GLG1: variants seen among roughly 807,000 people sequenced by gnomAD.
GLG1 encodes Golgi apparatus protein 1.
GLG1 carries 38 observed loss-of-function variants against 160.5 expected under a neutral mutation model. The ratio of observed to expected loss-of-function variants is 0.24; its 90% CI spans 0.18 to 0.31. The LOEUF is 0.31. GLG1 is among the 10% of genes least tolerant of loss of function. The probability of loss-of-function intolerance (pLI) is 1.00; values close to 1 mark genes in which losing one functional copy is unlikely to be tolerated. For synonymous variants in GLG1, 644 were observed against 543.4 expected (o/e 1.19, Z -2.57); for missense variants, 1,373 against 1,505.2 (o/e 0.91, Z 1.45).
At chr16:74,513,835 A>G (rs1477118257) in intron 2 of GLG1, among the ~76,000 whole-genome samples, 2 of 152,140 alleles carry the variant, frequency 1.3e-5, no homozygotes, top group Non-Finnish European at 2.9e-5. Flanking sequence ...GTAATAACAA[A>G]CTTCTCTGAG....
chr16:74,595,435 G>T (rs1033759219), intron 1 of GLG1, among the ~76,000 whole-genome samples: 3 of 151,882 alleles, frequency 2.0e-5, no homozygotes, highest in African/African-American at 7.3e-5. Flanking sequence ...TACTCTGGAG[G>T]CTGAGGCAGG....
intron 25 of GLG1, among the ~76,000 whole-genome samples, chr16:74,454,913 G>A (rs184152042): frequency 2.0e-5 from 3 of 151,600 alleles, no homozygotes; most frequent in East Asian, 3.9e-4. Flanking sequence ...GACCAGCCTG[G>A]ACAACATAGC....
rs556923016 is a variant in GLG1 at position 74,456,089 on chromosome 16, T to C, written c.3372+560A>G. Among the ~76,000 whole-genome samples, 12 of 152,292 alleles carry C rather than the reference T, an allele frequency of 7.9e-5. No homozygotes were observed. The South Asian group carries it at 2.5e-3, about 32-fold the overall frequency. ...GATGAGTACTGGCCTCAAATATGTATTTTTCTCCTAAAGACTGTAAAATGA... is the reference window on the plus strand; with the variant it reads ...GATGAGTACTGGCCTCAAATATGTACTTTTCTCCTAAAGACTGTAAAATGA... On this transcript the variant is annotated intron_variant, in intron 25 of 25. Transcript: ENST00000422840.
chr16:74,603,772 C>A (rs1033859712), intron 1 of GLG1, among the ~76,000 whole-genome samples: 1 of 152,148 alleles, frequency 6.6e-6, no homozygotes, highest in Non-Finnish European at 1.5e-5. Flanking sequence ...GGTATTATTA[C>A]TCCACCTACT....
intron 1 of GLG1, among the ~76,000 whole-genome samples, chr16:74,588,101 G>A (rs1435071938): frequency 6.6e-6 from 1 of 151,806 alleles, no homozygotes; most frequent in Non-Finnish European, 1.5e-5. Flanking sequence ...AAAACAGGGG[G>A]AGCGTTGGTG....
At chr16:74,604,726 A>T (rs1231354959) in intron 1 of GLG1, among the ~76,000 whole-genome samples, 2 of 152,190 alleles carry the variant, frequency 1.3e-5, no homozygotes, top group Non-Finnish European at 2.9e-5. Context: ...CAGACTAAGC[A>T]GAATGAAATT....
chr16:74,581,862 A>G (rs1325793709), intron 1 of GLG1, among the ~76,000 whole-genome samples: 1 of 152,184 alleles, frequency 6.6e-6, no homozygotes, highest in African/African-American at 2.4e-5. Flanking sequence ...CAGTGAGTCG[A>G]GATAGCGTTA....
rs2014718346 is a variant in GLG1, at chr16:74,459,930, A to C, written c.3037-141T>G. 3.2e-5 allele frequency: 16 copies of C among 500,200 alleles called. No individual in the cohort carries two copies. In the South Asian group the frequency reaches 4.6e-4, roughly 14 times the overall value. 31.0% of individuals were successfully genotyped at this position (500,200 alleles called of 1,614,324 possible). ...CAGTGCAGTGGTGCGATCTCGGCTC[A>C]CTGCAACCTCTGCCTCCTAGGTTCA... On this transcript the variant is annotated intron_variant, in intron 22 of 25. Transcript: ENST00000422840.
At chr16:74,587,231 G>A (rs6564145) in intron 1 of GLG1, among the ~76,000 whole-genome samples, 107,999 of 152,080 alleles carry the variant, frequency 0.71, 38,992 homozygotes, top group African/African-American at 0.83. Flanking sequence ...CAGGTGAGCC[G>A]ATGATTACCT....
At chr16:74,585,083 T>C (rs1277934320) in intron 1 of GLG1, among the ~76,000 whole-genome samples, 1 of 152,072 alleles carries the variant, frequency 6.6e-6, no homozygotes, top group Non-Finnish European at 1.5e-5. Context: ...TTTAAAACCC[T>C]ATCTTTAAAT....
rs1448131991 is a variant in GLG1, at chr16:74,447,618, T to A, written c.*5549A>T. On this transcript the variant is annotated 3_prime_UTR_variant, in exon 26 of 26. Transcript: ENST00000422840. ...CCATTTACAAAAGAGGCTTGTTAAT[T>A]GTATTTTTTTCTTTCTTTCAAAAAC... The A allele has an allele frequency of 6.6e-6, 1 of 152,258 alleles. No individual in the cohort carries two copies. Among genetic ancestry groups the A allele is most frequent in the African/African-American group, 2.4e-5 (1 of 41,470 alleles). The allele number at this position is 152,258 out of a possible 1,614,324, so 9.4% of individuals were successfully genotyped here.
At position 74,562,862 on chromosome 16, in the gene GLG1, G is replaced by A. The variant is rs1284510918; in HGVS notation, c.439-30709C>T. ...GGAGGTTGGTTCTTCTGGAAATGAC[G>A]TCAGGAAAACACTGCCCTTGTTACC... is the stretch of plus-strand genomic sequence containing the variant. On this transcript the variant is annotated intron_variant, in intron 1 of 25. Transcript: ENST00000422840. Among the ~76,000 whole-genome samples the A allele has an allele frequency of 3.9e-5, 6 of 152,248 alleles. No homozygotes were observed. In the East Asian group the frequency reaches 5.8e-4, roughly 15 times the overall value.
chr16:74,569,523 T>C (rs1308525667), intron 1 of GLG1, among the ~76,000 whole-genome samples: 1 of 152,162 alleles, frequency 6.6e-6, no homozygotes, highest in Non-Finnish European at 1.5e-5. Flanking sequence ...TAACAGAGTC[T>C]AGCTTATCAT....
intron 22 of GLG1, among the ~76,000 whole-genome samples, chr16:74,460,954 A>T (rs551487504): frequency 6.6e-6 from 1 of 152,356 alleles, no homozygotes; most frequent in South Asian, 2.1e-4. Context: ...ACACACACGC[A>T]CACATACACA....
chr16:74,557,655 A>G (rs1321330920), intron 1 of GLG1, among the ~76,000 whole-genome samples: 1 of 152,198 alleles, frequency 6.6e-6, no homozygotes, highest in African/African-American at 2.4e-5. Context: ...GCTAAAGAAC[A>G]TGGTCAGAAG....
At chr16:74,582,800 A>T (rs574347746) in intron 1 of GLG1, among the ~76,000 whole-genome samples, 13 of 152,046 alleles carry the variant, frequency 8.6e-5, no homozygotes, top group African/African-American at 2.9e-4. Flanking sequence ...AGCCTGGGTG[A>T]CAAGAGTGAG....
intron 1 of GLG1, among the ~76,000 whole-genome samples, chr16:74,584,297 T>C (rs1311314332): frequency 2.0e-5 from 3 of 152,212 alleles, no homozygotes; most frequent in Non-Finnish European, 4.4e-5. Flanking sequence ...AAACATTGAC[T>C]GTTTTCTTTG....
At chr16:74,590,617 T>C (rs1958154426) in intron 1 of GLG1, among the ~76,000 whole-genome samples, 3 of 82,374 alleles carry the variant, frequency 3.6e-5, no homozygotes, top group Non-Finnish European at 4.4e-5. Flanking sequence ...TGAGACTCCG[T>C]CTCCAAAAAA....
intron 2 of GLG1, among the ~76,000 whole-genome samples, chr16:74,520,830 T>A (rs1391695108): frequency 1.3e-5 from 2 of 152,198 alleles, no homozygotes; most frequent in Non-Finnish European, 2.9e-5. Context: ...TTGACCTGGG[T>A]TTTTCTTCTC....
Sources: gnomAD v4.1 joint callset for allele counts (sites outside exome capture counted in the v4.1 genomes callset) on GRCh38, gnomAD v4.1.1 for gene constraint, MANE v1.5 for transcripts, NCBI Gene and HGNC (gene_info 2026-07-23, HGNC 2026-07-21) for gene names.